The following NF1 variants were observed in gnomAD, a reference collection of about 807,000 sequenced individuals.
The protein encoded by NF1 is neurofibromin.
Under a neutral mutation model 325.7 loss-of-function variants are expected in NF1, and 122 were observed. That is an observed-to-expected ratio of 0.37 (90% CI 0.32 to 0.44). The LOEUF (loss-of-function observed/expected upper bound fraction) is 0.44. Among genes scored for constraint, NF1 ranks in the 20% least tolerant of loss-of-function variants. The probability of loss-of-function intolerance (pLI) is 1.00; values close to 1 mark genes in which losing one functional copy is unlikely to be tolerated. For missense variants in NF1, 2,140 were observed against 3,415.4 expected (o/e 0.63, Z 9.31); for synonymous variants, 1,091 against 1,186.0 (o/e 0.92, Z 1.65).
chr17:31,255,599 A>G (rs1428228579), intron 31 of NF1, among the ~76,000 whole-genome samples: 1 of 152,188 alleles, frequency 6.6e-6, no homozygotes, highest in Non-Finnish European at 1.5e-5. Context: ...GGGTTTTGAC[A>G]TGAATTATTT....
intron 29 of NF1, among the ~76,000 whole-genome samples, chr17:31,244,983 C>T (rs2067366575): frequency 6.6e-6 from 1 of 152,092 alleles, no homozygotes; most frequent in Non-Finnish European, 1.5e-5. Context: ...CACAAATGTT[C>T]ATTGTAGTTC....
intron 1 of NF1, among the ~76,000 whole-genome samples, chr17:31,105,048 C>T (rs1912730891): frequency 6.6e-6 from 1 of 152,110 alleles, no homozygotes; most frequent in African/African-American, 2.4e-5. Flanking sequence ...TGGGCGTGCG[C>T]CACCATACCT....
At chr17:31,241,308 T>C (rs2067292461) in intron 29 of NF1, among the ~76,000 whole-genome samples, 1 of 152,188 alleles carries the variant, frequency 6.6e-6, no homozygotes, top group African/African-American at 2.4e-5. Flanking sequence ...TCAATCACTC[T>C]TACGTCTTTT....
rs2143707519 is a variant in NF1, at chr17:31,169,943, G to A, written c.532G>A (p.Glu178Lys). 1 of 1,576,544 alleles carries A rather than the reference G, an allele frequency of 6.3e-7. No homozygotes were observed. Among genetic ancestry groups the A allele is most frequent in the Non-Finnish European group, 8.7e-7 (1 of 1,155,894 alleles). Residue 178 changes from glutamate (E) to lysine (K), a missense_variant, in exon 5 of 58, where the codon GAA becomes AAA. By Grantham distance (56) the Glu-to-Lys change is moderately conservative (BLOSUM62 1). This residue lies in a region of NF1 where 246 missense variants were observed against 347.8 expected (regional missense o/e 0.71). Transcript: ENST00000358273. Reference sequence around the variant, plus strand: ...AGACAATGTTGATGTTCATGATATAGAATTGTTACAGTATATCAATGTGGA... The same window carrying A: ...AGACAATGTTGATGTTCATGATATAAAATTGTTACAGTATATCAATGTGGA... Reference protein sequence around the residue: ...SEDNVDVHDIELLQYINVDCA... With the variant: ...SEDNVDVHDIKLLQYINVDCA...
At chr17:31,206,189 A>G (rs2143912616) in intron 11 of NF1, 51 bp from the exon 12 acceptor site, 1 of 1,605,880 alleles carries the variant, frequency 6.2e-7, no homozygotes, top group Non-Finnish European at 8.5e-7. Flanking sequence ...AGAGCATACA[A>G]CTCACGTAAT....
In NF1 at chr17:31,349,176, C is replaced by G. The variant is rs786201310; in HGVS notation, c.7246C>G (p.Leu2416Val). 1 of 1,612,764 alleles carries G rather than the reference C, an allele frequency of 6.2e-7. No individual in the cohort carries two copies. Among genetic ancestry groups the G allele is most frequent in the Non-Finnish European group, 8.5e-7 (1 of 1,179,312 alleles). The change falls in exon 49 of 58, where the codon CTA becomes GTA. Residue 2416 changes from leucine (L) to valine (V), a missense_variant. By Grantham distance (32) the Leu-to-Val change is conservative (BLOSUM62 1). This residue lies in a region of NF1 where 522 missense variants were observed against 749.0 expected (regional missense o/e 0.70). Coordinates refer to ENST00000358273, the MANE Select transcript of NF1 (RefSeq NM_001042492.3). ...AAGAACAGTCAGAATTTTACATACACTACTAACTCTGGTTAACAAACACAG... is the reference window on the plus strand; with the variant it reads ...AAGAACAGTCAGAATTTTACATACAGTACTAACTCTGGTTAACAAACACAG... ...VARTVRILHT[L>V]LTLVNKHRNC...
At chr17:31,310,145 G>A (rs2068830317) in intron 36 of NF1, among the ~76,000 whole-genome samples, 1 of 152,146 alleles carries the variant, frequency 6.6e-6, no homozygotes, top group Non-Finnish European at 1.5e-5. Flanking sequence ...TAAGTGGTGT[G>A]TACCTGAAGT....
rs2066894286 is a variant in NF1 at position 31,219,990 on chromosome 17, C to G, written c.1641+872C>G. The stretch of plus-strand genomic sequence containing the variant: ...GTTTGGTGTTGTTTCTACTTTTTAG[C>G]TATTACAAATAATGCTGCTATGAAC... On this transcript the variant is annotated intron_variant, in intron 14 of 57. Coordinates refer to ENST00000358273, the MANE Select transcript of NF1 (RefSeq NM_001042492.3). 2.0e-5 allele frequency among the ~76,000 whole-genome samples: 3 copies of G among 152,166 alleles called. No homozygotes were observed. The East Asian group carries it at 5.8e-4, about 29-fold the overall frequency.
chr17:31,202,309 T>C (rs1219417586), intron 11 of NF1, among the ~76,000 whole-genome samples: 1 of 152,238 alleles, frequency 6.6e-6, no homozygotes, highest in Non-Finnish European at 1.5e-5. Flanking sequence ...GCTGTAATCA[T>C]TGATAACTTA....
intron 8 of NF1, among the ~76,000 whole-genome samples, chr17:31,190,226 C>T (rs1567830500): frequency 6.6e-6 from 1 of 151,770 alleles, no homozygotes; most frequent in Non-Finnish European, 1.5e-5. Context: ...CACTGCACTC[C>T]AGCCTGGGCG....
At chr17:31,295,519 A>G in intron 36 of NF1, 1 of 1,614,186 alleles carries the variant, frequency 6.2e-7, no homozygotes, top group Non-Finnish European at 8.5e-7. Context: ...AGGTAAATCC[A>G]GAAGGTGTGG....
intron 16 of NF1, 84 bp from the exon 17 acceptor site, chr17:31,225,011 C>T: frequency 6.7e-7 from 1 of 1,498,266 alleles, no homozygotes; most frequent in Non-Finnish European, 9.2e-7. Context: ...AGGAGAGTCT[C>T]AAACAGGAAG....
chr17:31,264,282 G>A (rs750800386), intron 35 of NF1, among the ~76,000 whole-genome samples: 71 of 151,750 alleles, frequency 4.7e-4, no homozygotes, highest in Admixed American at 9.9e-4. Flanking sequence ...GTGGTGGTGG[G>A]CACTTGTAAT....
intron 12 of NF1, among the ~76,000 whole-genome samples, 159 bp from the exon 13 acceptor site, chr17:31,214,291 AC>A (rs2066781438): frequency 1.3e-5 from 2 of 152,106 alleles, no homozygotes; most frequent in Non-Finnish European, 2.9e-5. Flanking sequence ...AATAATACTG[AC>A]CTTATGCTTA....
chr17:31,238,687 TTGCACCAC>T (rs2067243828), intron 29 of NF1, among the ~76,000 whole-genome samples: 1 of 151,430 alleles, frequency 6.6e-6, no homozygotes, highest in Admixed American at 6.6e-5. Flanking sequence ...GAGCTGAGAT[TTGCACCAC>T]TGCACTCCAG....
At chr17:31,223,365 G>A (rs955096458) in intron 15 of NF1, 79 bp from the exon 16 acceptor site, 38 of 1,524,306 alleles carry the variant, frequency 2.5e-5, no homozygotes, top group Admixed American at 3.4e-5. Context: ...CATTATGGGA[G>A]AATGCCATTC....
At chr17:31,167,549 C>T (rs952403740) in intron 4 of NF1, among the ~76,000 whole-genome samples, 1 of 152,120 alleles carries the variant, frequency 6.6e-6, no homozygotes, top group Non-Finnish European at 1.5e-5. Context: ...TGCCTTTTCA[C>T]CATATCTCTA....
At position 31,229,672 on chromosome 17, in the gene NF1, C is replaced by CTGTGTATGG. The variant is rs542705992; in HGVS notation, c.2851-162_2851-154dup. The CTGTGTATGG allele has an allele frequency of 4.0e-6, 4 of 1,002,062 alleles. No individual in the cohort carries two copies. The South Asian group carries it at 5.5e-5, about 14-fold the overall frequency. 62.1% of individuals were successfully genotyped at this position (1,002,062 alleles called of 1,614,324 possible). The stretch of plus-strand genomic sequence containing the variant: ...ATGTGTGCCTAAGGGTATACGTGCC[C>CTGTGTATGG]TGTGTATGGGTACGAGTGTCTGCGT... On this transcript the variant is annotated intron_variant, in intron 21 of 57. Transcript: ENST00000358273.
intron 36 of NF1, among the ~76,000 whole-genome samples, chr17:31,287,880 A>G (rs1400039008): frequency 1.4e-5 from 2 of 138,840 alleles, no homozygotes; most frequent in Admixed American, 7.9e-5. Context: ...GAATTGAACA[A>G]TGAGAACACA....
Sources: allele counts gnomAD v4.1 joint callset (sites outside exome capture counted in the v4.1 genomes callset), GRCh38; gene constraint gnomAD v4.1.1; regional missense constraint gnomAD v4.1.1; transcripts MANE v1.5; gene names NCBI Gene and HGNC (gene_info 2026-07-23, HGNC 2026-07-21).